The following NCL variants were observed in gnomAD, a reference collection of about 807,000 sequenced individuals.
NCL encodes the protein nucleolin multifunctional protein.
A neutral mutation model predicts 77.7 loss-of-function variants in NCL; 4 were observed. The ratio of observed to expected loss-of-function variants is 0.05; its 90% CI spans 0.03 to 0.12. The LOEUF is 0.12. Ranked by LOEUF, NCL falls within the 10% of genes least tolerant of loss-of-function variation. NCL has a pLI of 1.00. For missense variants in NCL, 763 were observed against 860.9 expected, an observed-to-expected ratio of 0.89 and a Z score of 1.42; for synonymous variants, 344 against 297.8, an observed-to-expected ratio of 1.16 and a Z score of -1.60.
In NCL at chr2:231,457,787, C is replaced by T. The variant is rs1193881240; in HGVS notation, c.1303G>A (p.Glu435Lys). 15 of 1,606,468 alleles carry T rather than the reference C, an allele frequency of 9.3e-6. No homozygotes were observed. Among genetic ancestry groups the T allele is most frequent in the Non-Finnish European group, 1.3e-5 (15 of 1,176,176 alleles). Residue 435 changes from glutamate (E) to lysine (K), a missense_variant, in exon 9 of 14, where the codon GAA (glutamate) becomes AAA (lysine). Transcript: ENST00000322723. ...TCTGCATCAGCTTCTGTCTTAAATT[C>T]AATATAAGCAATCCTGCAATGGAGG... ...DGKSKGIAYI[E>K]FKTEADAEKT...
rs1312231800 is a variant in NCL, at chr2:231,455,837, G to A, written c.1832+173C>T. 4 of 1,240,832 alleles carry A rather than the reference G, an allele frequency of 3.2e-6. No individual in the cohort carries two copies. The African/African-American group carries it at 5.9e-5, about 18-fold the overall frequency. 76.9% of individuals were successfully genotyped at this position (1,240,832 alleles called of 1,614,324 possible). ...ATACAGCTAAATATACCTCTGTAAA[G>A]ACAGAAGGTAAAATAATGCTAGTTC... is the stretch of plus-strand genomic sequence containing the variant. On this transcript the variant is annotated intron_variant, in intron 12 of 13. Coordinates refer to ENST00000322723, the MANE Select transcript of NCL (RefSeq NM_005381.3).
In NCL at chr2:231,455,382, T is replaced by C. The variant is rs1445763440; in HGVS notation, c.2056+19A>G. The C allele has an allele frequency of 3.1e-6, 5 of 1,613,858 alleles. No homozygotes were observed. The highest frequency in any genetic ancestry group is 1.7e-5 in the Admixed American group (1 of 60,018). ...GAAGAGCACATGCTATGTGGTGTCA[T>C]TATCTCTGCGTGCCTTACCTCCAAA... On this transcript the variant is annotated intron_variant, in intron 13 of 13. Transcript: ENST00000322723.
Position 231,455,344 on chromosome 2 carries a change from G to C in NCL, c.2056+57C>G, listed in dbSNP as rs556305077. 1.5e-5 allele frequency: 24 copies of C among 1,613,400 alleles called. No individual in the cohort carries two copies. In the Middle Eastern group the frequency reaches 4.9e-4, roughly 33 times the overall value. ...TCCCCAGTGATTAGGAACCGTGACA[G>C]GGCACAGGGTCTGAAGAGCACATGC... On this transcript the variant is annotated intron_variant, in intron 13 of 13. Coordinates refer to ENST00000322723, the MANE Select transcript of NCL (RefSeq NM_005381.3).
intron 11 of NCL, 71 bp from the exon 12 acceptor site, chr2:231,456,207 GT>G: frequency 6.3e-7 from 1 of 1,578,286 alleles, no homozygotes; most frequent in South Asian, 1.1e-5. Context: ...ACAATGCCTA[GT>G]ATGACTACTA....
intron 7 of NCL, 67 bp from the exon 8 acceptor site, chr2:231,458,456 A>G (rs1302366706): frequency 3.2e-6 from 5 of 1,563,690 alleles, no homozygotes; most frequent in Non-Finnish European, 4.3e-6. Flanking sequence ...AACAACAAAA[A>G]GAGGGGAAAA....
intron 1 of NCL, chr2:231,463,754 A>G (rs913357149): frequency 6.1e-6 from 1 of 164,534 alleles, no homozygotes; most frequent in Admixed American, 6.3e-5. Flanking sequence ...CCCGCCCCTT[A>G]AAGAGGCGGC....
intron 9 of NCL, 76 bp from the exon 10 acceptor site, chr2:231,457,200 T>C (rs2046899224): frequency 1.3e-6 from 2 of 1,582,932 alleles, no homozygotes; most frequent in South Asian, 1.1e-5. Flanking sequence ...TAATATCTTA[T>C]TCCTAAGAAT....
chr2:231,460,703 TTCATCATCA>T lies in NCL; in HGVS notation c.768_776del (p.Asp256_Asp258del), dbSNP rs139777351. The stretch of plus-strand genomic sequence containing the variant: ...CCTCTTCTTCCTCCTCCTCATCATC[TTCATCATCA>T]TCATCTTCATCATCTTCGTCGTCGT... On this transcript the variant is annotated inframe_deletion, in exon 4 of 14. Transcript: ENST00000322723. 48 of 1,607,544 alleles carry T rather than the reference TTCATCATCA, an allele frequency of 3.0e-5. No individual in the cohort carries two copies. Among genetic ancestry groups the T allele is most frequent in the Non-Finnish European group, 3.8e-5 (45 of 1,174,456 alleles).
At chr2:231,460,019 T>C in intron 6 of NCL, 133 bp downstream of exon 6, 1 of 1,062,234 alleles carries the variant, frequency 9.4e-7, no homozygotes, top group East Asian at 2.4e-5. Context: ...TCTAACTTAG[T>C]TCACTAATGC....
At position 231,461,442 on chromosome 2, in the gene NCL, A is replaced by G. The variant is rs2046949019; in HGVS notation, c.613+98T>C. 3 of 1,522,882 alleles carry G rather than the reference A, an allele frequency of 2.0e-6. No homozygotes were observed. In the African/African-American group the frequency reaches 4.1e-5, roughly 21 times the overall value. The allele number at this position is 1,522,882 out of a possible 1,614,324, so 94.3% of individuals were successfully genotyped here. A position where few individuals can be genotyped will look rare whatever the true frequency, so the allele number is the denominator to read the frequency against. ...CCAGAGAATTCCCACAAGGATTCTAATCTCATCTCCAGGTTGTCGTGGAAG... is the reference window on the plus strand; with the variant it reads ...CCAGAGAATTCCCACAAGGATTCTAGTCTCATCTCCAGGTTGTCGTGGAAG... On this transcript the variant is annotated intron_variant, in intron 3 of 13. Coordinates refer to ENST00000322723, the MANE Select transcript of NCL (RefSeq NM_005381.3).
rs972317609 is a variant in NCL, at chr2:231,457,115, T to C, written c.1457A>G (p.Lys486Arg). The change falls in exon 10 of 14, where the codon AAA becomes AGA. Residue 486 changes from lysine to arginine, a missense_variant. Physicochemically the swap from Lys to Arg is conservative, Grantham distance 26. This residue lies in a region of NCL where 173 missense variants were observed against 290.4 expected (regional missense o/e 0.60). Transcript: ENST00000322723. ...GKNSTWSGES[K>R]TLVLSNLSYS... Reference sequence around the variant, plus strand: ...GGAGAGGTTGCTTAAAACCAGAGTTTTTGATTCACCTGCAAATAGAGATGC... The same window carrying C: ...GGAGAGGTTGCTTAAAACCAGAGTTCTTGATTCACCTGCAAATAGAGATGC... The C allele has an allele frequency of 6.2e-7, 1 of 1,613,796 alleles. No individual in the cohort carries two copies. The highest frequency in any genetic ancestry group is 1.3e-5 in the African/African-American group (1 of 74,994).
At chr2:231,455,907 G>A (rs764346257) in intron 12 of NCL, 103 bp downstream of exon 12, 30 of 1,566,088 alleles carry the variant, frequency 1.9e-5, no homozygotes, top group Middle Eastern at 3.3e-4. Flanking sequence ...AACTGCCACT[G>A]ATAGACAGAA....
At chr2:231,457,559 G>GT (rs1476085275) in intron 9 of NCL, 84 bp downstream of exon 9, 5 of 1,329,258 alleles carry the variant, frequency 3.8e-6, no homozygotes. Flanking sequence ...TGATTAAAAA[G>GT]TATTTATAAA....
At position 231,454,001 on chromosome 2, in the gene NCL, T is replaced by C. The variant is rs969716939; in HGVS notation, c.*1190A>G. On this transcript the variant is annotated 3_prime_UTR_variant, in exon 14 of 14. Coordinates refer to ENST00000322723, the MANE Select transcript of NCL (RefSeq NM_005381.3). ...CCTTGTCTTTTACTAAAAAGGGAGG[T>C]TGAGAGGCAAGTACTTAAGACCAGA... is the stretch of plus-strand genomic sequence containing the variant. 1 of 152,080 alleles carries C rather than the reference T, an allele frequency of 6.6e-6. No homozygotes were observed. Among genetic ancestry groups the C allele is most frequent in the African/African-American group, 2.4e-5 (1 of 41,388 alleles). The allele number at this position is 152,080 out of a possible 1,614,324, so 9.4% of individuals were successfully genotyped here.
intron 7 of NCL, chr2:231,458,744 G>A: frequency 2.3e-6 from 1 of 432,080 alleles, no homozygotes; most frequent in Non-Finnish European, 4.1e-6. Context: ...CGTTAATTTA[G>A]GTGCATCTAA....
chr2:231,456,530 G>T (rs902198081), intron 11 of NCL, 101 bp downstream of exon 11: 14 of 1,520,548 alleles, frequency 9.2e-6, no homozygotes, highest in Non-Finnish European at 1.2e-5. Context: ...TCCAGTTATT[G>T]TTCACTCAGT....
At chr2:231,457,325 AGGCT>A in intron 9 of NCL, 1 of 814,796 alleles carries the variant, frequency 1.2e-6, no homozygotes, top group Non-Finnish European at 2.1e-6. Context: ...GTTCTTACAT[AGGCT>A]GATGACTGGT....
Position 231,455,237 on chromosome 2 carries a change from C to G in NCL, c.2087G>C (p.Gly696Ala). Reference protein sequence around the residue: ...GRGGFRGGRGGGGDHKPQGKK... With the variant: ...GRGGFRGGRGAGGDHKPQGKK... Reference sequence around the variant, plus strand: ...TCCTTGTGGCTTGTGGTCACCTCCTCCTCCTCTGCCTCCTCGGAAGCCTCC... The same window carrying G: ...TCCTTGTGGCTTGTGGTCACCTCCTGCTCCTCTGCCTCCTCGGAAGCCTCC... The change falls in exon 14 of 14, where the codon GGA (glycine) becomes GCA (alanine). Residue 696 changes from glycine (G) to alanine (A), a missense_variant. Coordinates refer to ENST00000322723, the MANE Select transcript of NCL (RefSeq NM_005381.3). 6.2e-7 allele frequency: 1 copy of G among 1,614,172 alleles called. No individual in the cohort carries two copies. Among genetic ancestry groups the G allele is most frequent in the African/African-American group, 1.3e-5 (1 of 75,046 alleles).
Position 231,459,013 on chromosome 2 carries a change from C to G in NCL, c.1153G>C (p.Asp385His), listed in dbSNP as rs781489554. 6.3e-7 allele frequency: 1 copy of G among 1,593,518 alleles called. No individual in the cohort carries two copies. The change falls in exon 7 of 14, where the codon GAC becomes CAC. Residue 385 changes from aspartate to histidine, a missense_variant. Asp to His is a moderately conservative substitution (Grantham distance 81). This residue lies in a region of NCL where 590 missense variants were observed against 570.5 expected (regional missense o/e 1.03). Transcript: ENST00000322723. ...AAGCCTTACATACCTTTCTTACTGTCTTTTCCTTTTGGTTTCTCTAGTTTA... is the reference window on the plus strand; with the variant it reads ...AAGCCTTACATACCTTTCTTACTGTGTTTTCCTTTTGGTTTCTCTAGTTTA... ...EIKLEKPKGK[D>H]SKKERDARTL...
Sources: allele counts gnomAD v4.1 joint callset, GRCh38; gene constraint gnomAD v4.1.1; regional missense constraint gnomAD v4.1.1; transcripts MANE v1.5; gene names NCBI Gene and HGNC (gene_info 2026-07-23, HGNC 2026-07-21).